Variants in TTC6 observed in about 807,000 individuals in gnomAD.
The protein encoded by TTC6 is tetratricopeptide repeat protein 6.
TTC6 carries 172 observed loss-of-function variants against 210.4 expected under a neutral mutation model. The ratio of observed to expected loss-of-function variants is 0.82; its 90% CI spans 0.72 to 0.93. The LOEUF is 0.93. TTC6 is among the 40% of genes least tolerant of loss of function. TTC6 has a pLI of 0.00. For missense variants in TTC6, 2,414 were observed against 2,318.1 expected (o/e 1.04, Z -0.85); for synonymous variants, 804 against 819.6 (o/e 0.98, Z 0.32).
chr14:37,828,830 C>A (rs938885161), intron 29 of TTC6, among the ~76,000 whole-genome samples: 4 of 151,786 alleles, frequency 2.6e-5, no homozygotes, highest in Admixed American at 2.6e-4. Flanking sequence ...TACATTCATA[C>A]TTTTTTTTCA....
At chr14:37,700,898 T>A (rs1414738972) in intron 4 of TTC6, among the ~76,000 whole-genome samples, 6 of 152,106 alleles carry the variant, frequency 3.9e-5, no homozygotes, top group Non-Finnish European at 4.4e-5. Context: ...TGCTAGTTAA[T>A]GGATAATGCC....
chr14:37,818,881 G>A (rs982101352), intron 26 of TTC6, among the ~76,000 whole-genome samples: 1 of 152,118 alleles, frequency 6.6e-6, no homozygotes, highest in Admixed American at 6.6e-5. Flanking sequence ...GTGGGTGGGT[G>A]AAGACCAAAA....
chr14:37,803,703 G>T (rs1047131542), intron 20 of TTC6, among the ~76,000 whole-genome samples: 1 of 152,090 alleles, frequency 6.6e-6, no homozygotes, highest in African/African-American at 2.4e-5. Flanking sequence ...GAGAAAGAAA[G>T]CAATTCAAAG....
chr14:37,738,424 G>GT (rs5807967), intron 9 of TTC6, among the ~76,000 whole-genome samples: 96,167 of 151,350 alleles, frequency 0.64, 31,772 homozygotes, highest in East Asian at 0.9. Context: ...CCTTCTACCA[G>GT]TTTTTTTGCA....
At chr14:37,814,431 AT>A (rs1184973689) in intron 25 of TTC6, among the ~76,000 whole-genome samples, 1 of 152,208 alleles carries the variant, frequency 6.6e-6, no homozygotes, top group African/African-American at 2.4e-5. Flanking sequence ...ATATAAAAAA[AT>A]ATTAAAAGAA....
intron 5 of TTC6, among the ~76,000 whole-genome samples, chr14:37,709,348 G>A (rs987394507): frequency 2.0e-5 from 3 of 152,094 alleles, no homozygotes; most frequent in African/African-American, 7.2e-5. Flanking sequence ...ACAGTGGGTG[G>A]CAGAGATAGA....
At chr14:37,798,163 T>C (rs540088176) in intron 20 of TTC6, among the ~76,000 whole-genome samples, 8 of 152,224 alleles carry the variant, frequency 5.3e-5, no homozygotes, top group African/African-American at 1.7e-4. Flanking sequence ...ACATGTTAAA[T>C]TTAGCTTGCC....
chr14:37,691,655 C>A (rs1214940259), intron 3 of TTC6, among the ~76,000 whole-genome samples: 1 of 151,782 alleles, frequency 6.6e-6, no homozygotes, highest in African/African-American at 2.4e-5. Context: ...AAAGAGCAAA[C>A]CAAACCAAAA....
intron 17 of TTC6, among the ~76,000 whole-genome samples, 164 bp from the exon 20 acceptor site, chr14:37,795,105 CT>C (rs1347951804): frequency 6.6e-6 from 1 of 151,944 alleles, no homozygotes; most frequent in African/African-American, 2.4e-5. Flanking sequence ...ATAAATTTTT[CT>C]TTTTACTTCT....
At chr14:37,663,570 T>C (rs759001147) in intron 1 of TTC6, among the ~76,000 whole-genome samples, 4 of 152,156 alleles carry the variant, frequency 2.6e-5, no homozygotes, top group African/African-American at 4.8e-5. Context: ...ATCCTACTCA[T>C]ACTATCAAAT....
At chr14:37,697,429 C>T (rs1041779054) in intron 4 of TTC6, among the ~76,000 whole-genome samples, 2 of 152,038 alleles carry the variant, frequency 1.3e-5, no homozygotes, top group Admixed American at 6.6e-5. Flanking sequence ...TGATTTTCTC[C>T]TTATTTCACC....
chr14:37,771,950 C>G (rs1331998111), intron 14 of TTC6, among the ~76,000 whole-genome samples: 1 of 152,074 alleles, frequency 6.6e-6, no homozygotes, highest in Admixed American at 6.6e-5. Flanking sequence ...TACTTTTGGT[C>G]TTTGATGATG....
At chr14:37,772,197 C>T (rs1374195695) in intron 14 of TTC6, among the ~76,000 whole-genome samples, 2 of 152,172 alleles carry the variant, frequency 1.3e-5, no homozygotes, top group East Asian at 1.9e-4. Flanking sequence ...AGAACCACTG[C>T]TCTCTTCAAA....
chr14:37,632,813 G>T (rs1245238831), intron 1 of TTC6, among the ~76,000 whole-genome samples: 1 of 152,208 alleles, frequency 6.6e-6, no homozygotes, highest in African/African-American at 2.4e-5. Flanking sequence ...GAGATGCCCT[G>T]CCCAGAGAGG....
chr14:37,742,288 G>A (rs2095922515), intron 10 of TTC6, among the ~76,000 whole-genome samples: 2 of 152,086 alleles, frequency 1.3e-5, no homozygotes, highest in Admixed American at 1.3e-4. Context: ...GTTTTTCTTG[G>A]CTCATCTTGT....
At chr14:37,809,279 GACTC>G (rs1211758206) in intron 24 of TTC6, among the ~76,000 whole-genome samples, 13 of 120,372 alleles carry the variant, frequency 1.1e-4, no homozygotes, top group African/African-American at 4.2e-4. Context: ...TTGAGACGGA[GACTC>G]ACTCTGTTGC....
chr14:37,806,333 T>A (rs1273155627), intron 21 of TTC6, 28 bp from the exon 24 acceptor site: 1 of 1,524,170 alleles, frequency 6.6e-7, no homozygotes, highest in Non-Finnish European at 8.8e-7. Context: ...CACTAAATGG[T>A]TTGCATTTTG....
At chr14:37,713,908 G>C (rs1362501258) in intron 5 of TTC6, among the ~76,000 whole-genome samples, 5 of 152,090 alleles carry the variant, frequency 3.3e-5, no homozygotes, top group Non-Finnish European at 7.4e-5. Context: ...GGGAACAGTA[G>C]CTTTAAATGC....
chr14:37,753,077 G>A (rs2095957116), intron 13 of TTC6, 22 bp from the exon 16 acceptor site: 3 of 1,500,254 alleles, frequency 2.0e-6, no homozygotes, highest in African/African-American at 2.8e-5. Context: ...TGATGTTTAT[G>A]TACCTCCCGC....
Sources: allele counts gnomAD v4.1 joint callset (sites outside exome capture counted in the v4.1 genomes callset), GRCh38; gene constraint gnomAD v4.1.1; transcripts MANE v1.5; gene names NCBI Gene and HGNC (gene_info 2026-07-23, HGNC 2026-07-21).